The following ZHX2 variants were observed in gnomAD, a reference collection of about 807,000 sequenced individuals.
The protein encoded by ZHX2 is zinc fingers and homeoboxes protein 2.
In ZHX2, 6 loss-of-function variants were observed where a neutral mutation model predicts 21.9. That is an observed-to-expected ratio of 0.27 (90% CI 0.15 to 0.54). ZHX2 has a LOEUF of 0.54. ZHX2 is among the 20% of genes least tolerant of loss of function. The pLI, the probability that ZHX2 is intolerant of heterozygous loss-of-function variation, is 0.95. For missense variants in ZHX2, 908 were observed against 1,090.7 expected (o/e 0.83, Z 2.36); for synonymous variants, 434 against 437.1 (o/e 0.99, Z 0.09).
chr8:122,963,408 C>G (rs1038957468), intron 3 of ZHX2, among the ~76,000 whole-genome samples: 6 of 152,010 alleles, frequency 3.9e-5, no homozygotes, highest in Non-Finnish European at 5.9e-5. Flanking sequence ...TTTTTGTTTG[C>G]TTTGTCAAAG....
intron 1 of ZHX2, among the ~76,000 whole-genome samples, chr8:122,862,290 T>C (rs1819186931): frequency 6.6e-6 from 1 of 152,238 alleles, no homozygotes; most frequent in Non-Finnish European, 1.5e-5. Flanking sequence ...CACGTGAACG[T>C]GGCTTTGGAT....
intron 2 of ZHX2, among the ~76,000 whole-genome samples, chr8:122,914,247 T>C (rs1388986786): frequency 6.6e-6 from 1 of 152,204 alleles, no homozygotes; most frequent in Non-Finnish European, 1.5e-5. Flanking sequence ...TGGCAGCCCA[T>C]GCTCTGCCAG....
At chr8:122,968,396 A>G (rs766486495) in intron 3 of ZHX2, among the ~76,000 whole-genome samples, 1 of 152,210 alleles carries the variant, frequency 6.6e-6, no homozygotes, top group Non-Finnish European at 1.5e-5. Flanking sequence ...TGGTGTACAG[A>G]CAATTTGGGA....
chr8:122,870,100 G>A (rs931809743), intron 2 of ZHX2, among the ~76,000 whole-genome samples: 4 of 152,172 alleles, frequency 2.6e-5, no homozygotes, highest in African/African-American at 9.7e-5. Flanking sequence ...AACCTGGGCA[G>A]AGGTGGCAGA....
At chr8:122,962,778 C>G (rs566636020) in intron 3 of ZHX2, among the ~76,000 whole-genome samples, 19 of 152,278 alleles carry the variant, frequency 1.2e-4, no homozygotes, top group African/African-American at 4.3e-4. Flanking sequence ...CACATCCATG[C>G]CAACATCTAT....
Position 122,829,705 on chromosome 8 carries a change from A to G in ZHX2, c.-282-33772A>G, listed in dbSNP as rs575992235. Among the ~76,000 whole-genome samples, 24 of 152,366 alleles carry G rather than the reference A, an allele frequency of 1.6e-4. No individual in the cohort carries two copies. In the South Asian group the frequency reaches 4.8e-3, roughly 30 times the overall value. ...TTTCTGTGACAACAGTTGAAAAGCT[A>G]TAGCTGTAAGAGTTGAGTGTTCTGA... On this transcript the variant is annotated intron_variant, in intron 1 of 3. Coordinates refer to ENST00000314393, the MANE Select transcript of ZHX2 (RefSeq NM_014943.5).
chr8:122,856,697 G>C (rs1347821258), intron 1 of ZHX2, among the ~76,000 whole-genome samples: 1 of 152,112 alleles, frequency 6.6e-6, no homozygotes, highest in African/African-American at 2.4e-5. Context: ...CTGGGAGAAT[G>C]TTTCCCTCAA....
chr8:122,885,452 AAG>A (rs893445865), intron 2 of ZHX2, among the ~76,000 whole-genome samples: 2 of 152,188 alleles, frequency 1.3e-5, no homozygotes, highest in African/African-American at 4.8e-5. Flanking sequence ...CTGCCTTGTA[AAG>A]AAAAGGCCCT....
intron 2 of ZHX2, among the ~76,000 whole-genome samples, chr8:122,930,890 T>G (rs532658205): frequency 1.3e-5 from 2 of 152,208 alleles, no homozygotes; most frequent in East Asian, 3.9e-4. Context: ...CAGCAGTTGT[T>G]GGTCCATCCA....
chr8:122,816,660 C>T (rs934966007), intron 1 of ZHX2: 8 of 151,418 alleles, frequency 5.3e-5, no homozygotes, highest in Admixed American at 2.0e-4. Flanking sequence ...ACCTACAAAA[C>T]GAAAGTGCCT....
chr8:122,895,739 T>TG (rs1469737550), intron 2 of ZHX2, among the ~76,000 whole-genome samples: 2 of 143,638 alleles, frequency 1.4e-5, no homozygotes, highest in African/African-American at 5.3e-5. Context: ...GGATATGGTG[T>TG]GGGGAAAAAA....
At chr8:122,794,103 C>A (rs940991315) in intron 1 of ZHX2, among the ~76,000 whole-genome samples, 1 of 152,286 alleles carries the variant, frequency 6.6e-6, no homozygotes, top group South Asian at 2.1e-4. Flanking sequence ...CACCTGAGCA[C>A]CTGAGTACCC....
intron 2 of ZHX2, among the ~76,000 whole-genome samples, chr8:122,940,164 G>A (rs1812806367): frequency 6.6e-6 from 1 of 152,198 alleles, no homozygotes; most frequent in Non-Finnish European, 1.5e-5. Context: ...CTCCTAGTAA[G>A]TAATGAAGCC....
chr8:122,876,584 C>A lies in ZHX2; in HGVS notation c.-220+13045C>A, dbSNP rs951771201. Among the ~76,000 whole-genome samples, 8 of 152,120 alleles carry A rather than the reference C, an allele frequency of 5.3e-5. No homozygotes were observed. The South Asian group carries it at 8.3e-4, about 16-fold the overall frequency. ...GGCTGGGAGCCAACGTGATGCCAGGCCTTGGTTACAAGCAGCAATTGAGGG... is the reference window on the plus strand; with the variant it reads ...GGCTGGGAGCCAACGTGATGCCAGGACTTGGTTACAAGCAGCAATTGAGGG... On this transcript the variant is annotated intron_variant, in intron 2 of 3. Transcript: ENST00000314393.
chr8:122,803,674 C>G (rs1586578879), intron 1 of ZHX2, among the ~76,000 whole-genome samples: 1 of 152,232 alleles, frequency 6.6e-6, no homozygotes, highest in African/African-American at 2.4e-5. Flanking sequence ...TGGACTAAAT[C>G]ACACCCTCTG....
chr8:122,875,076 T>G (rs1410639802), intron 2 of ZHX2, among the ~76,000 whole-genome samples: 1 of 135,112 alleles, frequency 7.4e-6, no homozygotes, highest in Non-Finnish European at 1.6e-5. Flanking sequence ...TGGATCCAGA[T>G]TTCTCTTTTT....
intron 1 of ZHX2, among the ~76,000 whole-genome samples, chr8:122,797,765 G>T (rs571871860): frequency 6.6e-6 from 1 of 152,142 alleles, no homozygotes; most frequent in East Asian, 1.9e-4. Flanking sequence ...CTTACATTTT[G>T]TAGGATACCA....
chr8:122,836,737 C>T (rs1235190519), intron 1 of ZHX2, among the ~76,000 whole-genome samples: 2 of 152,198 alleles, frequency 1.3e-5, no homozygotes, highest in East Asian at 1.9e-4. Flanking sequence ...GTCTTCCGGC[C>T]GGCTTTCTTC....
intron 1 of ZHX2, among the ~76,000 whole-genome samples, chr8:122,834,862 T>G (rs1269749450): frequency 6.6e-6 from 1 of 152,222 alleles, no homozygotes; most frequent in African/African-American, 2.4e-5. Flanking sequence ...GGGCACCCTT[T>G]TTGAGTCCTG....
Sources: gnomAD v4.1 joint callset for allele counts (sites outside exome capture counted in the v4.1 genomes callset) on GRCh38, gnomAD v4.1.1 for gene constraint, MANE v1.5 for transcripts, NCBI Gene and HGNC (gene_info 2026-07-23, HGNC 2026-07-21) for gene names.